Variants in ZBTB7C observed in about 807,000 individuals in gnomAD.
The protein encoded by ZBTB7C is zinc finger and BTB domain containing 7C.
In ZBTB7C, 8 loss-of-function variants were observed where a neutral mutation model predicts 25.7. The observed-to-expected ratio is 0.31, with a 90% confidence interval of 0.18 to 0.56. ZBTB7C has a LOEUF of 0.56. ZBTB7C is among the 20% of genes least tolerant of loss of function. The pLI, the probability that ZBTB7C is intolerant of heterozygous loss-of-function variation, is 0.91. For synonymous variants in ZBTB7C, 394 were observed against 369.0 expected (o/e 1.07, Z -0.78); for missense variants, 824 against 855.2 (o/e 0.96, Z 0.46).
chr18:48,316,313 C>G (rs1479805989), intron 2 of ZBTB7C, among the ~76,000 whole-genome samples: 1 of 152,192 alleles, frequency 6.6e-6, no homozygotes, highest in East Asian at 1.9e-4. Flanking sequence ...AGTGGGGTCA[C>G]AGGTGTCTGA....
chr18:48,334,397 A>G (rs1461331810), intron 2 of ZBTB7C, among the ~76,000 whole-genome samples: 1 of 152,166 alleles, frequency 6.6e-6, no homozygotes, highest in East Asian at 1.9e-4. Flanking sequence ...TGGCAGCACC[A>G]TCTGCCATGA....
chr18:48,062,386 G>A (rs558490756), intron 3 of ZBTB7C, among the ~76,000 whole-genome samples: 4 of 152,094 alleles, frequency 2.6e-5, no homozygotes, highest in African/African-American at 4.8e-5. Flanking sequence ...TGCTGTTGGC[G>A]CACTCTATCA....
At chr18:48,312,789 G>A (rs953253398) in intron 2 of ZBTB7C, among the ~76,000 whole-genome samples, 1 of 152,170 alleles carries the variant, frequency 6.6e-6, no homozygotes, top group African/African-American at 2.4e-5. Flanking sequence ...CTCAATCATT[G>A]GTTCAGCAGT....
chr18:48,259,544 A>G (rs1231865372), intron 2 of ZBTB7C, among the ~76,000 whole-genome samples: 2 of 152,192 alleles, frequency 1.3e-5, no homozygotes, highest in Non-Finnish European at 2.9e-5. Context: ...GAAAAATTGG[A>G]CTTCATAAAA....
chr18:48,137,516 C>T (rs2040212481), intron 3 of ZBTB7C, among the ~76,000 whole-genome samples: 1 of 152,150 alleles, frequency 6.6e-6, no homozygotes, highest in African/African-American at 2.4e-5. Flanking sequence ...TTCAGCGTGT[C>T]TGTCTTTTTA....
chr18:48,354,114 G>C lies in ZBTB7C; in HGVS notation c.-303-15716C>G, dbSNP rs560375776. On this transcript the variant is annotated intron_variant, in intron 1 of 4. Coordinates refer to ENST00000590800, the MANE Select transcript of ZBTB7C (RefSeq NM_001318841.2). ...GGTGCCACTGCTTGGGAATACACCT[G>C]TAATTCACATCTGCACACAAAACTC... 3.9e-5 allele frequency among the ~76,000 whole-genome samples: 6 copies of C among 152,266 alleles called. No homozygotes were observed. In the South Asian group the frequency reaches 1.2e-3, roughly 32 times the overall value.
At chr18:48,248,023 TG>T (rs1257976288) in intron 2 of ZBTB7C, among the ~76,000 whole-genome samples, 4 of 152,156 alleles carry the variant, frequency 2.6e-5, no homozygotes, top group African/African-American at 9.7e-5. Context: ...CAAAATCTAA[TG>T]GTTTTATAAA....
At chr18:48,109,450 A>T (rs577601949) in intron 3 of ZBTB7C, among the ~76,000 whole-genome samples, 42 of 152,246 alleles carry the variant, frequency 2.8e-4, no homozygotes, top group African/African-American at 9.4e-4. Flanking sequence ...TTTCCCTTTC[A>T]GATCTTTCTA....
At chr18:48,313,111 T>C (rs980919865) in intron 2 of ZBTB7C, among the ~76,000 whole-genome samples, 1 of 152,208 alleles carries the variant, frequency 6.6e-6, no homozygotes, top group Non-Finnish European at 1.5e-5. Flanking sequence ...TCTTTATAAG[T>C]GTGAACCTAA....
At chr18:48,052,491 C>G (rs760369248) in intron 3 of ZBTB7C, among the ~76,000 whole-genome samples, 8 of 152,180 alleles carry the variant, frequency 5.3e-5, no homozygotes, top group Non-Finnish European at 1.0e-4. Context: ...ACCCACGTGC[C>G]AAGGGCTCCC....
chr18:48,285,856 T>C (rs1245096071), intron 2 of ZBTB7C, among the ~76,000 whole-genome samples: 2 of 152,228 alleles, frequency 1.3e-5, no homozygotes, highest in Non-Finnish European at 2.9e-5. Context: ...TGTTTGTTGC[T>C]CCTGGTCCTT....
chr18:48,403,486 C>T (rs1360451286), intron 1 of ZBTB7C, among the ~76,000 whole-genome samples: 1 of 152,248 alleles, frequency 6.6e-6, no homozygotes, highest in Non-Finnish European at 1.5e-5. Flanking sequence ...CTCAACTTCA[C>T]ATACCCCAAC....
At chr18:48,037,357 C>CAG (rs2036018613) in intron 4 of ZBTB7C, among the ~76,000 whole-genome samples, 1 of 152,182 alleles carries the variant, frequency 6.6e-6, no homozygotes. Flanking sequence ...GGACTGCAGA[C>CAG]AGAGAGGCCA....
chr18:48,171,666 C>T (rs2041485927), intron 3 of ZBTB7C, among the ~76,000 whole-genome samples: 1 of 152,256 alleles, frequency 6.6e-6, no homozygotes, highest in Non-Finnish European at 1.5e-5. Context: ...AGCTTGCTGT[C>T]TCCATGGCTG....
At chr18:48,231,494 G>A (rs2043250890) in intron 2 of ZBTB7C, among the ~76,000 whole-genome samples, 1 of 152,156 alleles carries the variant, frequency 6.6e-6, no homozygotes, top group African/African-American at 2.4e-5. Flanking sequence ...GCTGAGAGCT[G>A]AGCAGACAAC....
chr18:48,190,790 C>T (rs193216184), intron 2 of ZBTB7C, among the ~76,000 whole-genome samples: 63 of 152,320 alleles, frequency 4.1e-4, no homozygotes, highest in African/African-American at 1.5e-3. Flanking sequence ...TGTCCATGGC[C>T]TTTGTGCCCA....
chr18:48,137,032 C>G (rs889952207), intron 3 of ZBTB7C: 1 of 985,144 alleles, frequency 1.0e-6, no homozygotes, highest in African/African-American at 1.7e-5. Flanking sequence ...ACGCCGCGCT[C>G]GTGCCCGGGC....
intron 1 of ZBTB7C, among the ~76,000 whole-genome samples, chr18:48,401,950 A>T (rs753262722): frequency 6.6e-6 from 1 of 152,118 alleles, no homozygotes; most frequent in Non-Finnish European, 1.5e-5. Context: ...CCAGGATGCA[A>T]TGATGCTCTC....
At chr18:48,349,930 ATG>A in intron 1 of ZBTB7C, among the ~76,000 whole-genome samples, 1 of 152,010 alleles carries the variant, frequency 6.6e-6, no homozygotes, top group Non-Finnish European at 1.5e-5. Context: ...TGTAATGGGA[ATG>A]CCACCTGCCC....
Sources: gnomAD v4.1 joint callset for allele counts (sites outside exome capture counted in the v4.1 genomes callset) on GRCh38, gnomAD v4.1.1 for gene constraint, MANE v1.5 for transcripts, NCBI Gene and HGNC (gene_info 2026-07-23, HGNC 2026-07-21) for gene names.